Variants in LRBA observed in about 807,000 individuals in gnomAD.
LRBA encodes the protein lipopolysaccharide-responsive and beige-like anchor protein.
LRBA carries 176 observed loss-of-function variants against 330.0 expected under a neutral mutation model. That is an observed-to-expected ratio of 0.53 (90% CI 0.47 to 0.60). The LOEUF is 0.60. Ranked by LOEUF, LRBA falls within the 20% of genes least tolerant of loss-of-function variation. The pLI, the probability that LRBA is intolerant of heterozygous loss-of-function variation, is 0.00. For synonymous variants in LRBA, 1,230 were observed against 1,193.0 expected, an observed-to-expected ratio of 1.03 and a Z score of -0.64; for missense variants, 3,259 against 3,444.8, an observed-to-expected ratio of 0.95 and a Z score of 1.35.
At chr4:150,513,472 C>T (rs1172378067) in intron 40 of LRBA, among the ~76,000 whole-genome samples, 1 of 152,184 alleles carries the variant, frequency 6.6e-6, no homozygotes, top group Non-Finnish European at 1.5e-5. Flanking sequence ...ACAGCATCCA[C>T]CTGGGTCCCA....
intron 53 of LRBA, among the ~76,000 whole-genome samples, chr4:150,296,665 G>T (rs1016479669): frequency 6.7e-6 from 1 of 150,332 alleles, no homozygotes; most frequent in East Asian, 1.9e-4. Flanking sequence ...CTGTTGCTTC[G>T]TAAAAAAAAA....
At chr4:150,408,084 C>T (rs550328892) in intron 47 of LRBA, among the ~76,000 whole-genome samples, 3 of 151,538 alleles carry the variant, frequency 2.0e-5, no homozygotes, top group Non-Finnish European at 4.4e-5. Flanking sequence ...ACAGAGACAC[C>T]ATAGAGGAAA....
At chr4:150,827,621 C>CA in intron 30 of LRBA, among the ~76,000 whole-genome samples, 1 of 144,944 alleles carries the variant, frequency 6.9e-6, no homozygotes, top group Admixed American at 7.0e-5. Flanking sequence ...TTTTTTTAGA[C>CA]AGAGTTTCGC....
chr4:150,872,987 C>A (rs1218113710), intron 17 of LRBA, among the ~76,000 whole-genome samples: 1 of 152,072 alleles, frequency 6.6e-6, no homozygotes, highest in Non-Finnish European at 1.5e-5. Context: ...CTTTTCCATG[C>A]ACATACTTAT....
intron 47 of LRBA, among the ~76,000 whole-genome samples, chr4:150,385,331 TGCATTATAGCCATAAAGG>T (rs1742904008): frequency 6.6e-6 from 1 of 152,138 alleles, no homozygotes; most frequent in African/African-American, 2.4e-5. Flanking sequence ...ACAAAAAATC[TGCATTATAGCCATAAAGG>T]GGCGAATAGA....
At chr4:150,733,489 G>C (rs1201688763) in intron 36 of LRBA, among the ~76,000 whole-genome samples, 2 of 151,832 alleles carry the variant, frequency 1.3e-5, no homozygotes, top group Non-Finnish European at 2.9e-5. Context: ...GTGAATAGGA[G>C]TTCCTGCTTT....
At chr4:150,354,659 G>A (rs1057247801) in intron 47 of LRBA, among the ~76,000 whole-genome samples, 5 of 152,050 alleles carry the variant, frequency 3.3e-5, no homozygotes, top group South Asian at 2.1e-4. Context: ...AGCCTCACAC[G>A]AATGTTCAAT....
chr4:150,933,217 G>A (rs1427000263), intron 2 of LRBA, among the ~76,000 whole-genome samples: 7 of 150,582 alleles, frequency 4.6e-5, no homozygotes, highest in South Asian at 2.1e-4. Context: ...GTGAAACCCC[G>A]TCTCTACTAA....
At chr4:150,273,313 A>G (rs1007169903) in intron 56 of LRBA, among the ~76,000 whole-genome samples, 2 of 152,232 alleles carry the variant, frequency 1.3e-5, no homozygotes, top group African/African-American at 4.8e-5. Context: ...TGAAGGAAGC[A>G]CTAGACATGG....
At chr4:150,677,810 AAAAAAGAAAAAG>A (rs1437926154) in intron 37 of LRBA, among the ~76,000 whole-genome samples, 1 of 108,844 alleles carries the variant, frequency 9.2e-6, no homozygotes, top group African/African-American at 4.0e-5. Flanking sequence ...GTCTTAAAAA[AAAAAAGAAAAAG>A]AAAAAGAAAA....
At chr4:150,499,276 T>A (rs1222632397) in intron 40 of LRBA, among the ~76,000 whole-genome samples, 3 of 152,212 alleles carry the variant, frequency 2.0e-5, no homozygotes, top group Non-Finnish European at 4.4e-5. Flanking sequence ...TCATTTAGAT[T>A]GAAAATATTC....
At chr4:150,715,076 C>G (rs1487344915) in intron 36 of LRBA, among the ~76,000 whole-genome samples, 1 of 152,102 alleles carries the variant, frequency 6.6e-6, no homozygotes, top group East Asian at 1.9e-4. Flanking sequence ...TTTCACTTAC[C>G]AACTGTTTAC....
At chr4:150,632,835 C>T (rs1304363287) in intron 37 of LRBA, among the ~76,000 whole-genome samples, 1 of 152,198 alleles carries the variant, frequency 6.6e-6, no homozygotes, top group Non-Finnish European at 1.5e-5. Flanking sequence ...TATTCAACTA[C>T]TTTATCATTG....
intron 40 of LRBA, among the ~76,000 whole-genome samples, chr4:150,572,189 T>C (rs929897436): frequency 6.6e-6 from 1 of 152,228 alleles, no homozygotes; most frequent in Non-Finnish European, 1.5e-5. Context: ...GTACAATTCA[T>C]CAAACTTTAG....
chr4:151,001,798 C>T (rs540493228), intron 2 of LRBA, among the ~76,000 whole-genome samples: 2 of 152,242 alleles, frequency 1.3e-5, no homozygotes, highest in South Asian at 4.2e-4. Context: ...ATTGGTTCAC[C>T]TCAACCCACT....
At chr4:150,555,687 C>A (rs1343370267) in intron 40 of LRBA, among the ~76,000 whole-genome samples, 2 of 151,444 alleles carry the variant, frequency 1.3e-5, no homozygotes, top group African/African-American at 2.4e-5. Context: ...GCAGGCAGAG[C>A]TTGCAGTGAG....
intron 10 of LRBA, 36 bp downstream of exon 10, chr4:150,908,624 C>T (rs1210150863): frequency 6.4e-7 from 1 of 1,560,526 alleles, no homozygotes; most frequent in South Asian, 1.2e-5. Flanking sequence ...TCAAAAATTA[C>T]CATTATAAAT....
chr4:150,610,355 C>T (rs1487220649), intron 37 of LRBA, among the ~76,000 whole-genome samples: 4 of 152,020 alleles, frequency 2.6e-5, no homozygotes, highest in Non-Finnish European at 5.9e-5. Context: ...TTTGGGAGGC[C>T]GAGGTGGGTG....
intron 13 of LRBA, among the ~76,000 whole-genome samples, chr4:150,904,637 A>G (rs989939684): frequency 6.6e-6 from 1 of 152,178 alleles, no homozygotes; most frequent in Non-Finnish European, 1.5e-5. Flanking sequence ...ACAAAAAAGT[A>G]TCTAGTAAAA....
Sources: gnomAD v4.1 joint callset for allele counts (sites outside exome capture counted in the v4.1 genomes callset) on GRCh38, gnomAD v4.1.1 for gene constraint, MANE v1.5 for transcripts, NCBI Gene and HGNC (gene_info 2026-07-23, HGNC 2026-07-21) for gene names.